The following SVIL variants were observed in gnomAD, a reference collection of about 807,000 sequenced individuals.
The protein encoded by SVIL is supervillin.
In SVIL, 101 loss-of-function variants were observed where a neutral mutation model predicts 240.4. The ratio of observed to expected loss-of-function variants is 0.42; its 90% CI spans 0.36 to 0.50. SVIL has a LOEUF of 0.50. SVIL is among the 20% of genes least tolerant of loss of function. SVIL has a pLI of 0.01. For synonymous variants in SVIL, 999 were observed against 1,100.0 expected (o/e 0.91, Z 1.82); for missense variants, 2,512 against 2,818.7 (o/e 0.89, Z 2.46).
intron 2 of SVIL, among the ~76,000 whole-genome samples, chr10:29,674,538 T>C (rs1235631985): frequency 6.6e-6 from 1 of 152,232 alleles, no homozygotes; most frequent in African/African-American, 2.4e-5. Context: ...GAGTTACTTA[T>C]ATTCCATAAA....
chr10:29,633,654 A>G (rs1269668725), intron 1 of SVIL, among the ~76,000 whole-genome samples: 1 of 129,066 alleles, frequency 7.7e-6, no homozygotes, highest in African/African-American at 2.6e-5. Flanking sequence ...TGTGGTATAA[A>G]GAAATAATCT....
At chr10:29,701,483 T>C (rs1249841657) in intron 1 of SVIL, among the ~76,000 whole-genome samples, 1 of 152,192 alleles carries the variant, frequency 6.6e-6, no homozygotes, top group East Asian at 1.9e-4. Flanking sequence ...CCAAGTTTCC[T>C]CAAGAGACTT....
chr10:29,721,293 C>T (rs114585880), intron 1 of SVIL, among the ~76,000 whole-genome samples: 130 of 151,274 alleles, frequency 8.6e-4, no homozygotes, highest in African/African-American at 3.1e-3. Context: ...GGCAGAGAAA[C>T]CAGGGAAAAG....
Position 29,526,977 on chromosome 10 carries a change from C to T in SVIL, c.2326G>A (p.Ala776Thr), listed in dbSNP as rs371267499. The T allele has an allele frequency of 4.0e-5, 65 of 1,604,990 alleles. No individual in the cohort carries two copies. Among genetic ancestry groups the T allele is most frequent in the East Asian group, 2.7e-4 (12 of 44,832 alleles). Residue 776 changes from alanine to threonine, a missense_variant, in exon 13 of 38, where the codon GCT becomes ACT. Ala to Thr is a moderately conservative substitution (Grantham distance 58, BLOSUM62 0). Around this residue, in one of 3 missense-constraint regions of SVIL, gnomAD observed 1,443 missense variants for 1,486.6 expected, o/e 0.97. Transcript: ENST00000355867. ...GTCCAGTACCTGGCAGGCTGCACAG[C>T]GCTCCTAGCTACAGTGGGGCTAGGA... ...RLPSPTVARS[A>T]VQPARLQASA... is the part of the protein sequence containing the mutation.
chr10:29,561,006 A>G (rs1302067152), intron 3 of SVIL, among the ~76,000 whole-genome samples: 2 of 151,892 alleles, frequency 1.3e-5, no homozygotes, highest in Non-Finnish European at 2.9e-5. Flanking sequence ...TATTTTTAGT[A>G]GAGACGGGGT....
intron 1 of SVIL, among the ~76,000 whole-genome samples, chr10:29,695,955 C>G (rs1186506943): frequency 7.3e-6 from 1 of 136,454 alleles, no homozygotes; most frequent in Admixed American, 7.2e-5. Flanking sequence ...CTCTCCCTCT[C>G]CCGTCTCCCT....
In SVIL at chr10:29,552,079, C is replaced by T. The variant is rs184475130; in HGVS notation, c.161-816G>A. Among the ~76,000 whole-genome samples, 3 of 151,604 alleles carry T rather than the reference C, an allele frequency of 2.0e-5. No individual in the cohort carries two copies. In the East Asian group the frequency reaches 5.8e-4, roughly 30 times the overall value. The stretch of plus-strand genomic sequence containing the variant: ...CAGTAAGCTATGATCGATCATGCCA[C>T]TGAACTCTAACCTGAGCAAGAGAGC... On this transcript the variant is annotated intron_variant, in intron 5 of 37. Coordinates refer to ENST00000355867, the MANE Select transcript of SVIL (RefSeq NM_021738.3).
chr10:29,503,262 A>G (rs1949037378), intron 17 of SVIL, among the ~76,000 whole-genome samples: 2 of 152,260 alleles, frequency 1.3e-5, no homozygotes, highest in African/African-American at 4.8e-5. Context: ...CCTGAATAAA[A>G]GATGAAGAAA....
chr10:29,599,276 G>T (rs745803267), intron 1 of SVIL, among the ~76,000 whole-genome samples: 5 of 152,166 alleles, frequency 3.3e-5, no homozygotes, highest in Non-Finnish European at 5.9e-5. Context: ...GTCTGACCTT[G>T]ACACTCAGGC....
intron 2 of SVIL, among the ~76,000 whole-genome samples, chr10:29,683,561 G>A (rs1293816350): frequency 1.3e-5 from 2 of 152,204 alleles, no homozygotes; most frequent in Admixed American, 6.5e-5. Flanking sequence ...AAGAGGAGGG[G>A]TTCATTCAGA....
chr10:29,645,549 G>A (rs575760834), intron 3 of SVIL, among the ~76,000 whole-genome samples: 4 of 152,272 alleles, frequency 2.6e-5, no homozygotes, highest in African/African-American at 7.2e-5. Flanking sequence ...CAGCCTGGGC[G>A]ATAGAGTGAA....
intron 17 of SVIL, among the ~76,000 whole-genome samples, chr10:29,509,917 G>A (rs1949705180): frequency 6.6e-6 from 1 of 152,030 alleles, no homozygotes; most frequent in African/African-American, 2.4e-5. Flanking sequence ...TTTTGTTTTT[G>A]TTTGAGACAG....
chr10:29,488,641 G>A lies in SVIL; in HGVS notation c.4308C>T (p.Ser1436=), dbSNP rs186064356. The part of the protein sequence containing the change: ...VNLTEQNSNN[S]AVPYKRLMLL... ...GCATCAGCCTCTTGTAGGGCACGGC[G>A]CTGTTGTTAGAGTTCTGTTCCGTCA... Residue 1436 remains serine, a synonymous_variant, in exon 23 of 38, where the codon AGC becomes AGT. Transcript: ENST00000355867. 64 of 1,612,106 alleles carry A rather than the reference G, an allele frequency of 4.0e-5. No individual in the cohort carries two copies. The highest frequency in any genetic ancestry group is 3.3e-4 in the Middle Eastern group (2 of 6,044).
intron 1 of SVIL, among the ~76,000 whole-genome samples, chr10:29,719,875 C>T (rs973970028): frequency 6.6e-6 from 1 of 152,022 alleles, no homozygotes; most frequent in African/African-American, 2.4e-5. Flanking sequence ...ACATGGGGGG[C>T]ACAGAGGGAT....
chr10:29,689,544 A>G (rs1564765322), intron 1 of SVIL, among the ~76,000 whole-genome samples: 1 of 152,160 alleles, frequency 6.6e-6, no homozygotes, highest in African/African-American at 2.4e-5. Context: ...TCGGCCTCCC[A>G]AAGTGCTGGG....
At chr10:29,485,374 T>G (rs1947298682) in intron 26 of SVIL, among the ~76,000 whole-genome samples, 2 of 152,252 alleles carry the variant, frequency 1.3e-5, no homozygotes, top group Admixed American at 1.3e-4. Flanking sequence ...CTATTTCTTA[T>G]GTTCATGGTT....
intron 3 of SVIL, among the ~76,000 whole-genome samples, chr10:29,640,590 G>A (rs1212014656): frequency 6.6e-6 from 1 of 152,042 alleles, no homozygotes; most frequent in South Asian, 2.1e-4. Flanking sequence ...AGCTACACCC[G>A]TCATCTCCCA....
intron 12 of SVIL, among the ~76,000 whole-genome samples, chr10:29,529,175 C>CAAAAAAAAAAAAAAAAAAA (rs66523560): frequency 1.5e-5 from 1 of 66,070 alleles, no homozygotes; most frequent in Non-Finnish European, 2.8e-5. Flanking sequence ...GACTCTCTCT[C>CAAAAAAAAAAAAAAAAAAA]AAAAAAAAAA....
intron 16 of SVIL, among the ~76,000 whole-genome samples, chr10:29,520,588 A>G (rs1353780503): frequency 1.3e-5 from 2 of 152,232 alleles, no homozygotes; most frequent in Non-Finnish European, 2.9e-5. Flanking sequence ...TATTTTACAA[A>G]TAATGTTCAA....
Sources: allele counts gnomAD v4.1 joint callset (sites outside exome capture counted in the v4.1 genomes callset), GRCh38; gene constraint gnomAD v4.1.1; regional missense constraint gnomAD v4.1.1; transcripts MANE v1.5; gene names NCBI Gene and HGNC (gene_info 2026-07-23, HGNC 2026-07-21).